GPHN: variants seen among roughly 807,000 people sequenced by gnomAD.
The protein encoded by GPHN is gephyrin.
Under a neutral mutation model 95.5 loss-of-function variants are expected in GPHN, and 17 were observed. That is an observed-to-expected ratio of 0.18 (90% CI 0.12 to 0.27). The LOEUF is 0.27. Among genes scored for constraint, GPHN ranks in the 10% least tolerant of loss-of-function variants. The pLI is 1.00. For missense variants in GPHN, 660 were observed against 978.1 expected (o/e 0.67, Z 4.34); for synonymous variants, 320 against 322.5 (o/e 0.99, Z 0.08).
intron 10 of GPHN, among the ~76,000 whole-genome samples, chr14:67,029,233 A>C (rs1237022318): frequency 2.0e-5 from 3 of 152,108 alleles, no homozygotes; most frequent in Non-Finnish European, 4.4e-5. Flanking sequence ...TGTTTTGCGT[A>C]CTACAGCTTT....
the GPHN span, chr14:67,359,850 T>C: frequency 5.0e-6 from 4 of 804,142 alleles, no homozygotes; most frequent in African/African-American, 3.5e-5. Flanking sequence ...GGACACCCAT[T>C]TTCACTTCCG....
At chr14:67,530,216 C>T in the GPHN span, among the ~76,000 whole-genome samples, 4 of 152,214 alleles carry the variant, frequency 2.6e-5, no homozygotes, top group African/African-American at 7.2e-5. Flanking sequence ...TTATAGATCA[C>T]TTGCTGCATG....
At chr14:66,869,242 C>T (rs1407278916) in intron 4 of GPHN, among the ~76,000 whole-genome samples, 1 of 152,162 alleles carries the variant, frequency 6.6e-6, no homozygotes, top group African/African-American at 2.4e-5. Flanking sequence ...CTTGTGTTAT[C>T]TATTCATTAA....
intron 9 of GPHN, among the ~76,000 whole-genome samples, chr14:66,984,531 G>A (rs915633253): frequency 6.6e-6 from 1 of 152,138 alleles, no homozygotes; most frequent in Admixed American, 6.6e-5. Context: ...TATTCAAAAC[G>A]AAAATTCCAT....
At chr14:67,234,605 C>T in the GPHN span, among the ~76,000 whole-genome samples, 213 of 152,072 alleles carry the variant, frequency 1.4e-3, 2 homozygotes, top group Non-Finnish European at 1.3e-3. Context: ...GCTGGAGTGC[C>T]GTGGTGCGAT....
At chr14:66,645,553 G>A (rs1397431015) in intron 1 of GPHN, among the ~76,000 whole-genome samples, 2 of 151,820 alleles carry the variant, frequency 1.3e-5, no homozygotes, top group African/African-American at 2.4e-5. Context: ...TTAGCCAGCC[G>A]TGGTGGTGGG....
At chr14:67,689,225 T>TTCC in the GPHN span, among the ~76,000 whole-genome samples, 1 of 152,216 alleles carries the variant, frequency 6.6e-6, no homozygotes, top group Non-Finnish European at 1.5e-5. Flanking sequence ...ACCAGTTTCC[T>TTCC]TCCCATCTCA....
chr14:67,540,250 T>C, the GPHN span, among the ~76,000 whole-genome samples: 2 of 152,228 alleles, frequency 1.3e-5, no homozygotes, highest in Admixed American at 6.5e-5. Context: ...ACTTACCTCT[T>C]ACCTTGAAGT....
At chr14:67,400,514 C>A in the GPHN span, among the ~76,000 whole-genome samples, 6 of 152,184 alleles carry the variant, frequency 3.9e-5, no homozygotes, top group Admixed American at 2.6e-4. Context: ...CTATGACCAC[C>A]CCCCGCCCCA....
chr14:67,034,990 T>C (rs1321517589), intron 10 of GPHN, among the ~76,000 whole-genome samples: 1 of 152,052 alleles, frequency 6.6e-6, no homozygotes, highest in African/African-American at 2.4e-5. Context: ...ACATGGAATA[T>C]TCTGTAGGAT....
chr14:67,655,082 G>A, the GPHN span, among the ~76,000 whole-genome samples: 7 of 145,316 alleles, frequency 4.8e-5, no homozygotes, highest in South Asian at 1.3e-3. Flanking sequence ...GCTCATGCCT[G>A]TAATCCTAGC....
At chr14:67,200,187 TC>T in the GPHN span, 1 of 1,148,512 alleles carries the variant, frequency 8.7e-7, no homozygotes, top group South Asian at 1.6e-5. Flanking sequence ...TGCGTGGACT[TC>T]CTCCACTGAT....
At chr14:66,951,369 A>C (rs1316451761) in intron 8 of GPHN, among the ~76,000 whole-genome samples, 2 of 152,004 alleles carry the variant, frequency 1.3e-5, no homozygotes, top group Non-Finnish European at 2.9e-5. Flanking sequence ...TACAAAAATT[A>C]GCTGGGCATG....
At chr14:67,686,982 T>C in the GPHN span, among the ~76,000 whole-genome samples, 2 of 152,192 alleles carry the variant, frequency 1.3e-5, no homozygotes, top group Non-Finnish European at 2.9e-5. Context: ...TAATGCAGAC[T>C]CAGAGGTCCC....
intron 16 of GPHN, among the ~76,000 whole-genome samples, chr14:67,119,329 A>G (rs2078877611): frequency 6.6e-6 from 1 of 152,236 alleles, no homozygotes; most frequent in Non-Finnish European, 1.5e-5. Context: ...AAGGCAGCCA[A>G]TTATAAGGCT....
At chr14:67,394,746 G>C in the GPHN span, among the ~76,000 whole-genome samples, 1 of 152,244 alleles carries the variant, frequency 6.6e-6, no homozygotes, top group Non-Finnish European at 1.5e-5. Context: ...GCAATATTGA[G>C]AGGTGATGCC....
the GPHN span, chr14:67,650,582 AAAAATAGGT>A: frequency 1.3e-6 from 1 of 752,508 alleles, no homozygotes; most frequent in Non-Finnish European, 2.2e-6. Flanking sequence ...GGGGCTTCCT[AAAAATAGGT>A]ATTTTCTACT....
chr14:67,004,472 G>A (rs1329763827), intron 9 of GPHN, among the ~76,000 whole-genome samples: 1 of 151,702 alleles, frequency 6.6e-6, no homozygotes, highest in East Asian at 1.9e-4. Flanking sequence ...TTTACAAATT[G>A]AAATATTGTC....
chr14:67,449,572 G>C, the GPHN span, among the ~76,000 whole-genome samples: 1 of 152,162 alleles, frequency 6.6e-6, no homozygotes, highest in African/African-American at 2.4e-5. Context: ...ACAATGCAGA[G>C]GCTCAGATAG....
Sources: allele counts gnomAD v4.1 joint callset (sites outside exome capture counted in the v4.1 genomes callset), GRCh38; gene constraint gnomAD v4.1.1; transcripts MANE v1.5; gene names NCBI Gene and HGNC (gene_info 2026-07-23, HGNC 2026-07-21).